ARHGEF10L: variants seen among roughly 807,000 people sequenced by gnomAD.
ARHGEF10L encodes the protein rho guanine nucleotide exchange factor 10-like protein.
Under a neutral mutation model 141.2 loss-of-function variants are expected in ARHGEF10L, and 69 were observed. The ratio of observed to expected loss-of-function variants is 0.49; its 90% confidence interval spans 0.40 to 0.60. ARHGEF10L has a LOEUF of 0.60. Among genes scored for constraint, ARHGEF10L ranks in the 20% least tolerant of loss-of-function variants. The pLI is 0.00. For missense variants in ARHGEF10L, 1,482 were observed against 1,734.3 expected (o/e 0.85, Z 2.58); for synonymous variants, 711 against 718.5 (o/e 0.99, Z 0.17).
the ARHGEF10L span, among the ~76,000 whole-genome samples, chr1:17,532,958 C>T: frequency 3.2e-4 from 48 of 152,226 alleles, no homozygotes; most frequent in Admixed American, 1.8e-3. Context: ...CTGGGTATAC[C>T]TTGTGCCTTA....
rs571245587 is a variant in ARHGEF10L at position 17,605,599 on chromosome 1, G to A, written c.433+2008G>A. On this transcript the variant is annotated intron_variant, in intron 6 of 28. Coordinates refer to ENST00000361221, the MANE Select transcript of ARHGEF10L (RefSeq NM_018125.4). ...GAAGGTGGTACAGAACCCTGGCCCCGTTCACTGTCTTACTGTGGCCAGCCA... is the reference window on the plus strand; with the variant it reads ...GAAGGTGGTACAGAACCCTGGCCCCATTCACTGTCTTACTGTGGCCAGCCA... Among the ~76,000 whole-genome samples the A allele has an allele frequency of 9.2e-5, 14 of 152,256 alleles. No homozygotes were observed. The South Asian group carries it at 2.7e-3, about 29-fold the overall frequency.
chr1:17,630,926 G>A (rs1260981009), intron 15 of ARHGEF10L, among the ~76,000 whole-genome samples: 5 of 144,150 alleles, frequency 3.5e-5, no homozygotes. Flanking sequence ...GGTGATCTGT[G>A]TTTTTCTCTC....
chr1:17,689,272 G>A (rs1481515400), intron 27 of ARHGEF10L, among the ~76,000 whole-genome samples: 1 of 151,982 alleles, frequency 6.6e-6, no homozygotes, highest in African/African-American at 2.4e-5. Context: ...TCATCCCTCT[G>A]TAAGATGGGA....
intron 26 of ARHGEF10L, among the ~76,000 whole-genome samples, chr1:17,665,091 C>T (rs897164584): frequency 4.6e-5 from 7 of 152,182 alleles, no homozygotes; most frequent in Non-Finnish European, 1.0e-4. Flanking sequence ...CCTGGCTCAG[C>T]CTAGGCCCGT....
the ARHGEF10L span, among the ~76,000 whole-genome samples, chr1:17,526,292 T>TA: frequency 6.6e-6 from 1 of 152,240 alleles, no homozygotes; most frequent in Non-Finnish European, 1.5e-5. Context: ...GTGATCTCTG[T>TA]AAAAACCTGC....
At position 17,602,157 on chromosome 1, in the gene ARHGEF10L, A is replaced by G; in HGVS notation, c.288A>G (p.Ala96=). The G allele has an allele frequency of 6.3e-7, 1 of 1,581,294 alleles. No homozygotes were observed. Among genetic ancestry groups the G allele is most frequent in the Non-Finnish European group, 8.6e-7 (1 of 1,163,578 alleles). The change falls in exon 5 of 29, where the codon GCA becomes GCG. Residue 96 remains alanine, a synonymous_variant. Coordinates refer to ENST00000361221, the MANE Select transcript of ARHGEF10L (RefSeq NM_018125.4). ...GVPAWVSNGD[A]ADAAFSGARH... ...CAGCCTGGGTGAGCAATGGGGATGC[A>G]GCGGACGCAGCCTTCTCCGGGGCCC...
the ARHGEF10L span, among the ~76,000 whole-genome samples, chr1:17,516,942 G>T: frequency 6.6e-6 from 1 of 152,196 alleles, no homozygotes; most frequent in Non-Finnish European, 1.5e-5. Flanking sequence ...TGTTCTAGGT[G>T]CTATATAGGC....
intron 4 of ARHGEF10L, among the ~76,000 whole-genome samples, chr1:17,595,982 G>A (rs956356105): frequency 1.3e-5 from 2 of 152,174 alleles, no homozygotes; most frequent in Non-Finnish European, 1.5e-5. Context: ...ACTTGTCCCG[G>A]TGCACACAGC....
At chr1:17,576,556 T>C (rs1164446848) in intron 1 of ARHGEF10L, among the ~76,000 whole-genome samples, 1 of 152,070 alleles carries the variant, frequency 6.6e-6, no homozygotes, top group Non-Finnish European at 1.5e-5. Flanking sequence ...TTGGTGGTCA[T>C]TGTTAAAAAG....
At chr1:17,566,165 G>A (rs2077747385) in intron 1 of ARHGEF10L, among the ~76,000 whole-genome samples, 1 of 152,174 alleles carries the variant, frequency 6.6e-6, no homozygotes, top group Non-Finnish European at 1.5e-5. Context: ...TCTGATCCGG[G>A]TTTCCCAACC....
At position 17,683,437 on chromosome 1, in the gene ARHGEF10L, C is replaced by A. The variant is rs768179044; in HGVS notation, c.3010-4136C>A. 3.3e-5 allele frequency among the ~76,000 whole-genome samples: 5 copies of A among 152,142 alleles called. No individual in the cohort carries two copies. The East Asian group carries it at 9.7e-4, about 30-fold the overall frequency. ...CCTGCTCTCACCCGGGTGCTCACTG[C>A]CCCCTGCTCTCACTTGGGTGCCAGG... On this transcript the variant is annotated intron_variant, in intron 26 of 28. Coordinates refer to ENST00000361221, the MANE Select transcript of ARHGEF10L (RefSeq NM_018125.4).
intron 1 of ARHGEF10L, among the ~76,000 whole-genome samples, chr1:17,577,230 G>C (rs924185969): frequency 6.6e-6 from 1 of 151,998 alleles, no homozygotes; most frequent in Non-Finnish European, 1.5e-5. Context: ...ATTTTTAGTA[G>C]AGATGGGGTT....
chr1:17,556,003 G>A (rs1456915085), intron 1 of ARHGEF10L, among the ~76,000 whole-genome samples: 1 of 151,768 alleles, frequency 6.6e-6, no homozygotes, highest in East Asian at 1.9e-4. Context: ...AAAGAGGATG[G>A]CGAGGGAGAA....
chr1:17,659,162 G>T (rs1196370091), intron 25 of ARHGEF10L, among the ~76,000 whole-genome samples: 4 of 152,178 alleles, frequency 2.6e-5, no homozygotes, highest in Admixed American at 2.6e-4. Context: ...GGGGAGGCAG[G>T]TTGGCTGGCT....
At chr1:17,633,333 CA>C (rs2060812576) in intron 16 of ARHGEF10L, among the ~76,000 whole-genome samples, 1 of 152,138 alleles carries the variant, frequency 6.6e-6, no homozygotes, top group Admixed American at 6.5e-5. Context: ...CAATATTTGA[CA>C]AGACTTTATT....
intron 26 of ARHGEF10L, among the ~76,000 whole-genome samples, chr1:17,671,170 C>T (rs867816677): frequency 5.9e-5 from 9 of 152,232 alleles, no homozygotes; most frequent in African/African-American, 1.7e-4. Flanking sequence ...CACCTTCCTC[C>T]GCCACGGCGG....
At chr1:17,593,425 G>A (rs930585981) in intron 4 of ARHGEF10L, among the ~76,000 whole-genome samples, 10 of 152,168 alleles carry the variant, frequency 6.6e-5, no homozygotes, top group African/African-American at 1.2e-4. Flanking sequence ...TAAGTGAGGG[G>A]TTTTGAGATG....
chr1:17,627,912 G>A lies in ARHGEF10L; in HGVS notation c.1584+409G>A, dbSNP rs901533283. ...ATGAGGAGCATTTAATAGCACCGGAGCCCTAGGGCTGCTGCCGCAAAAGAG... is the reference window on the plus strand; with the variant it reads ...ATGAGGAGCATTTAATAGCACCGGAACCCTAGGGCTGCTGCCGCAAAAGAG... On this transcript the variant is annotated intron_variant, in intron 15 of 28. Coordinates refer to ENST00000361221, the MANE Select transcript of ARHGEF10L (RefSeq NM_018125.4). The surrounding 1 kb of genome is among the most constrained non-coding windows in gnomAD (Gnocchi z 4.0). 6.6e-6 allele frequency among the ~76,000 whole-genome samples: 1 copy of A among 152,104 alleles called. No individual in the cohort carries two copies. The highest frequency in any genetic ancestry group is 6.5e-5 in the Admixed American group (1 of 15,278).
At chr1:17,640,029 G>T (rs897460915) in intron 20 of ARHGEF10L, 173 bp from the exon 21 acceptor site, 56 of 1,469,644 alleles carry the variant, frequency 3.8e-5, no homozygotes, top group Non-Finnish European at 4.8e-5. Flanking sequence ...CCTCCCCCAG[G>T]GGACCGAGGC....
Sources: gnomAD v4.1 joint callset for allele counts (sites outside exome capture counted in the v4.1 genomes callset) on GRCh38, gnomAD v4.1.1 for gene constraint, Gnocchi (gnomAD v3.1) non-coding constraint, MANE v1.5 for transcripts, NCBI Gene and HGNC (gene_info 2026-07-23, HGNC 2026-07-21) for gene names.